PHF19: variants seen among roughly 807,000 people sequenced by gnomAD.
The protein encoded by PHF19 is polycomb like 3.
A neutral mutation model predicts 79.8 loss-of-function variants in PHF19; 21 were observed. The ratio of observed to expected loss-of-function variants is 0.26; its 90% CI spans 0.19 to 0.38. PHF19 has a LOEUF of 0.38. Among genes scored for constraint, PHF19 ranks in the 10% least tolerant of loss-of-function variants. The pLI is 1.00. For synonymous variants in PHF19, 273 were observed against 296.3 expected (o/e 0.92, Z 0.81); for missense variants, 445 against 744.2 (o/e 0.60, Z 4.68).
At chr9:120,899,876 C>A (rs1334104386), upstream of PHF19, among the ~76,000 whole-genome samples, 3 of 152,240 alleles carry the variant, frequency 2.0e-5, no homozygotes, top group Admixed American at 2.0e-4. Flanking sequence ...CAGGACACTG[C>A]CCTTCCATGC....
chr9:120,889,755 A>AAG (rs373022700), intron 1 of PHF19, among the ~76,000 whole-genome samples: 4 of 151,360 alleles, frequency 2.6e-5, no homozygotes, highest in African/African-American at 7.3e-5. Flanking sequence ...GAAAAAAAGA[A>AAG]AGAGAGAGAG....
rs2046086171 is a variant in PHF19, at chr9:120,877,112, G to C, written c.-37C>G. ...TCACCGCGAGGCTGCGTGTCCGCCG[G>C]TCCCACTTGGAGTCTGGCCACCAGG... On this transcript the variant is annotated 5_prime_UTR_variant, in exon 1 of 15. Transcript: ENST00000373896. 3 of 985,152 alleles carry C rather than the reference G, an allele frequency of 3.0e-6. No individual in the cohort carries two copies. Among genetic ancestry groups the C allele is most frequent in the Non-Finnish European group, 3.6e-6 (3 of 829,902 alleles). The allele number at this position is 985,152 out of a possible 1,614,324, so 61.0% of individuals were successfully genotyped here.
chr9:120,874,040 G>A lies in PHF19; in HGVS notation c.207C>T (p.Ser69=), dbSNP rs2045977595. ...AATTATCTTCGAAAGTCACGAGGCA[G>A]CTTTGCTTAGAGCTGCTGACCTGGG... ...KIKRVSSSKQ[S]CLVTFEDNSK... The change falls in exon 3 of 15, where the codon AGC becomes AGT. Residue 69 remains serine, a synonymous_variant. Transcript: ENST00000373896. This position sits in a 1 kb window ranked among gnomAD's most constrained non-coding sequence, Gnocchi z 4.5. The A allele has an allele frequency of 2.5e-6, 4 of 1,605,492 alleles. No homozygotes were observed. The highest frequency in any genetic ancestry group is 3.3e-5 in the Admixed American group (2 of 59,914).
At chr9:120,886,050 G>A (rs191471626) in intron 1 of PHF19, among the ~76,000 whole-genome samples, 53 of 152,324 alleles carry the variant, frequency 3.5e-4, no homozygotes, top group African/African-American at 1.2e-3. Flanking sequence ...AGTTCCAAGA[G>A]GTTTAGCTGG....
chr9:120,874,133 C>T lies in PHF19; in HGVS notation c.187-73G>A, dbSNP rs57332564. ...CCAACCTGGAACATAGTCTTCCTCC[C>T]CCATTTTTGTCTCCGTATGTTCCAG... On this transcript the variant is annotated intron_variant, in intron 2 of 14. Coordinates refer to ENST00000373896, the MANE Select transcript of PHF19 (RefSeq NM_015651.3). This position sits in a 1 kb window ranked among gnomAD's most constrained non-coding sequence, Gnocchi z 4.5. The T allele has an allele frequency of 0.068, 53,913 of 791,950 alleles. 2,305 individuals carry two copies. The highest frequency in any genetic ancestry group is 0.083 in the Non-Finnish European group (38,056 of 458,110). 49.1% of individuals were successfully genotyped at this position (791,950 alleles called of 1,614,324 possible).
chr9:120,861,134 G>A lies in PHF19; in HGVS notation c.1259C>T (p.Ala420Val), dbSNP rs1246451316. The A allele has an allele frequency of 4.3e-6, 7 of 1,611,470 alleles. No individual in the cohort carries two copies. The Admixed American group carries it at 8.3e-5, about 19-fold the overall frequency. The change falls in exon 13 of 15, where the codon GCT becomes GTT. Residue 420 changes from alanine to valine, a missense_variant. Ala to Val is a moderately conservative substitution (Grantham distance 64). Coordinates refer to ENST00000373896, the MANE Select transcript of PHF19 (RefSeq NM_015651.3). ...ATCCAGCGTGAAGTCAAATATGCTAGCCAGGTGGTGGTTGGTGCTCCAGGC... is the reference window on the plus strand; with the variant it reads ...ATCCAGCGTGAAGTCAAATATGCTAACCAGGTGGTGGTTGGTGCTCCAGGC... ...TSAWSTNHHL[A>V]SIFDFTLDEI...
chr9:120,858,413 A>G, intron 14 of PHF19, 127 bp from the exon 15 acceptor site: 1 of 650,780 alleles, frequency 1.5e-6, no homozygotes, highest in Non-Finnish European at 2.5e-6. Context: ...GCATTCTCTT[A>G]TCCATCTTCT....
In PHF19 at chr9:120,856,813, G is replaced by A. The variant is rs2045370190; in HGVS notation, c.*1131C>T. ...GTGCTTCCCTATGGGACCAATGCTGGTTGATGGGCTGAAAGAAGGAGCGGC... is the reference window on the plus strand; with the variant it reads ...GTGCTTCCCTATGGGACCAATGCTGATTGATGGGCTGAAAGAAGGAGCGGC... On this transcript the variant is annotated 3_prime_UTR_variant, in exon 15 of 15. Transcript: ENST00000373896. 3 of 152,712 alleles carry A rather than the reference G, an allele frequency of 2.0e-5. No homozygotes were observed. Among genetic ancestry groups the A allele is most frequent in the Admixed American group, 6.5e-5 (1 of 15,282 alleles). 9.5% of individuals were successfully genotyped at this position (152,712 alleles called of 1,614,324 possible). A position where few individuals can be genotyped will look rare whatever the true frequency, so the allele number is the denominator to read the frequency against.
rs749931148 is a variant in PHF19 at position 120,874,514 on chromosome 9, G to T, written c.186+42C>A. ...AGCCAGGCTGGAACATGAGCAGAGA[G>T]ATTCTGAGTCTGAGAACAGGGGCCA... On this transcript the variant is annotated intron_variant, in intron 2 of 14. Transcript: ENST00000373896. The surrounding 1 kb of genome is among the most constrained non-coding windows in gnomAD (Gnocchi z 4.5). The T allele has an allele frequency of 2.5e-5, 33 of 1,306,260 alleles. No homozygotes were observed. The South Asian group carries it at 4.0e-4, about 16-fold the overall frequency. 80.9% of individuals were successfully genotyped at this position (1,306,260 alleles called of 1,614,324 possible). A position where few individuals can be genotyped will look rare whatever the true frequency, so the allele number is the denominator to read the frequency against.
upstream of PHF19, among the ~76,000 whole-genome samples, chr9:120,898,020 T>A (rs1216575250): frequency 6.6e-6 from 1 of 152,010 alleles, no homozygotes; most frequent in Non-Finnish European, 1.5e-5. Context: ...ATTCTCTTTC[T>A]GATACTAAGT....
chr9:120,880,421 G>C (rs2046161682), upstream of PHF19, among the ~76,000 whole-genome samples: 1 of 152,184 alleles, frequency 6.6e-6, no homozygotes, highest in Admixed American at 6.5e-5. Context: ...TTTGAACCTG[G>C]GAGGTGGAGG....
rs968731784 is a variant in PHF19, at chr9:120,891,340, C to A, written c.42+3448G>T. Reference sequence around the variant, plus strand: ...AACTTGGTCCAGCTACAGTCAATATCTAGAGAAGGTATTGGCCTAGAGAAC... The same window carrying A: ...AACTTGGTCCAGCTACAGTCAATATATAGAGAAGGTATTGGCCTAGAGAAC... On this transcript the variant is annotated intron_variant, in intron 1 of 14. Coordinates refer to the PHF19 transcript ENST00000616568. This position sits in a 1 kb window ranked among gnomAD's most constrained non-coding sequence, Gnocchi z 4.3. Among the ~76,000 whole-genome samples, 3 of 151,342 alleles carry A rather than the reference C, an allele frequency of 2.0e-5. No individual in the cohort carries two copies. Among genetic ancestry groups the A allele is most frequent in the African/African-American group, 7.3e-5 (3 of 41,220 alleles).
the PHF19 span, chr9:120,902,955 TG>T: frequency 6.6e-6 from 1 of 152,218 alleles, no homozygotes; most frequent in Non-Finnish European, 1.5e-5. Flanking sequence ...ATGTATCTCT[TG>T]CCATCAGAAA....
upstream of PHF19, chr9:120,877,408 C>T (rs1191316490): frequency 3.1e-6 from 3 of 965,602 alleles, no homozygotes; most frequent in African/African-American, 1.8e-5. Flanking sequence ...AGCCCGCGGC[C>T]GCCGGGCTCC....
At chr9:120,894,985 G>A, upstream of PHF19, 1 of 373,860 alleles carries the variant, frequency 2.7e-6, no homozygotes, top group South Asian at 1.4e-4. Context: ...AGCCTGCCAT[G>A]GGCGAGGACC....
chr9:120,877,907 GAC>G (rs1360040768), upstream of PHF19, among the ~76,000 whole-genome samples: 1 of 152,174 alleles, frequency 6.6e-6, no homozygotes, highest in Non-Finnish European at 1.5e-5. Flanking sequence ...ACACAACAGA[GAC>G]ACACAACAGA....
chr9:120,860,279 C>G lies in PHF19; in HGVS notation c.1305-94G>C. ...GGTTCCCCTAACATGCATCCTTCATCCCAGTGGAGGCCCGTCTTCCCACAG... is the reference window on the plus strand; with the variant it reads ...GGTTCCCCTAACATGCATCCTTCATGCCAGTGGAGGCCCGTCTTCCCACAG... On this transcript the variant is annotated intron_variant, in intron 13 of 14. Transcript: ENST00000373896. This position sits in a 1 kb window ranked among gnomAD's most constrained non-coding sequence, Gnocchi z 4.1. The G allele has an allele frequency of 1.4e-6, 1 of 703,208 alleles. No homozygotes were observed. Among genetic ancestry groups the G allele is most frequent in the South Asian group, 1.5e-5 (1 of 65,982 alleles). 43.6% of individuals were successfully genotyped at this position (703,208 alleles called of 1,614,324 possible). A position where few individuals can be genotyped will look rare whatever the true frequency, so the allele number is the denominator to read the frequency against.
At chr9:120,895,934 G>A (rs547846469), upstream of PHF19, among the ~76,000 whole-genome samples, 5 of 152,234 alleles carry the variant, frequency 3.3e-5, no homozygotes, top group East Asian at 9.6e-4. Context: ...ATTACAGATG[G>A]GAGCCACTGC....
In PHF19 at chr9:120,862,078, CCGCA is replaced by C; in HGVS notation, c.1131-77_1131-74del. On this transcript the variant is annotated intron_variant, in intron 11 of 14. Coordinates refer to ENST00000373896, the MANE Select transcript of PHF19 (RefSeq NM_015651.3). The surrounding 1 kb of genome is among the most constrained non-coding windows in gnomAD (Gnocchi z 4.6). ...CCCTAGGGTGGCCCAGAGGGAGGCGCCGCAGGGGCGGGGGTCACAGCAGTTGGGG... is the reference window on the plus strand; with the variant it reads ...CCCTAGGGTGGCCCAGAGGGAGGCGCGGGGCGGGGGTCACAGCAGTTGGGG... The C allele has an allele frequency of 9.3e-7, 1 of 1,079,566 alleles. No individual in the cohort carries two copies. Among genetic ancestry groups the C allele is most frequent in the Non-Finnish European group, 1.4e-6 (1 of 693,430 alleles). 66.9% of individuals were successfully genotyped at this position (1,079,566 alleles called of 1,614,324 possible). A position where few individuals can be genotyped will look rare whatever the true frequency, so the allele number is the denominator to read the frequency against.
Sources: gnomAD v4.1 joint callset for allele counts (sites outside exome capture counted in the v4.1 genomes callset) on GRCh38, gnomAD v4.1.1 for gene constraint, Gnocchi (gnomAD v3.1) non-coding constraint, MANE v1.5 for transcripts, NCBI Gene and HGNC (gene_info 2026-07-23, HGNC 2026-07-21) for gene names.